ELF4: variants seen among roughly 807,000 people sequenced by gnomAD.
ELF4 encodes ETS-related transcription factor Elf-4.
A neutral mutation model predicts 31.7 loss-of-function variants in ELF4; 10 were observed. The ratio of observed to expected loss-of-function variants is 0.32; its 90% CI spans 0.19 to 0.54. The LOEUF (loss-of-function observed/expected upper bound fraction) is 0.54, where lower values mean the gene tolerates loss of function less well. Among genes scored for constraint, ELF4 ranks in the 20% least tolerant of loss-of-function variants. ELF4 has a pLI of 0.95. For missense variants in ELF4, 418 were observed against 522.0 expected (o/e 0.80, Z 1.94); for synonymous variants, 208 against 226.7 (o/e 0.92, Z 0.74).
chrX:130,110,677 G>A (rs1933470445), upstream of ELF4: 1 of 108,380 alleles, frequency 9.2e-6, no homozygotes, highest in African/African-American at 3.3e-5. Flanking sequence ...CCCACACTTC[G>A]CGCCGCCAAT....
chrX:130,086,543 G>C (rs770736636), intron 1 of ELF4, among the ~76,000 whole-genome samples: 3 of 111,914 alleles, frequency 2.7e-5, no homozygotes, highest in Non-Finnish European at 5.6e-5. Context: ...CCTAGGGCCG[G>C]GGAGGAGGAG....
At position 130,080,920 on chromosome X, in the gene ELF4, G is replaced by T. The variant is rs1266656603; in HGVS notation, c.75+336C>A. 3.6e-5 allele frequency among the ~76,000 whole-genome samples: 4 copies of T among 112,647 alleles called. No homozygotes were observed. The South Asian group carries it at 1.4e-3, about 41-fold the overall frequency. On this transcript the variant is annotated intron_variant, in intron 2 of 8. Coordinates refer to ENST00000308167, the MANE Select transcript of ELF4 (RefSeq NM_001421.4). ...GAAGTGGCCGAAAAATGCATCTGAT[G>T]GTCAGTGTACCCCTTATGCGTTTGG...
At chrX:130,088,183 G>A (rs1342956804) in intron 1 of ELF4, among the ~76,000 whole-genome samples, 2 of 110,377 alleles carry the variant, frequency 1.8e-5, no homozygotes, top group Non-Finnish European at 3.8e-5. Flanking sequence ...AGCTGAGATC[G>A]CGCCACTGCA....
chrX:130,069,504 CG>C lies in ELF4; in HGVS notation c.982del (p.Arg328GlyfsTer43), dbSNP rs1335232355. ...GGATGAGACCCTGGAGCTGGTTCGCCGGGTGGTACTGGCAGAGGCCACAGAG... is the reference window on the plus strand; with the variant it reads ...GGATGAGACCCTGGAGCTGGTTCGCCGGTGGTACTGGCAGAGGCCACAGAG... ...TASVASASTT[R>X]RTSSRVSSRS... is the part of the protein sequence containing the mutation. On this transcript the variant is annotated frameshift_variant, in exon 8 of 9. Transcript: ENST00000308167. LOFTEE classifies it high-confidence loss of function. 1 of 1,211,317 alleles carries C rather than the reference CG, an allele frequency of 8.3e-7. No homozygotes were observed. Among genetic ancestry groups the C allele is most frequent in the Non-Finnish European group, 1.1e-6 (1 of 895,436 alleles).
intron 1 of ELF4, among the ~76,000 whole-genome samples, chrX:130,104,877 G>T (rs1933347610): frequency 9.0e-6 from 1 of 111,390 alleles, no homozygotes. Context: ...GTGGCAACTC[G>T]GCTGGGTGCG....
intron 8 of ELF4, among the ~76,000 whole-genome samples, chrX:130,068,751 G>C (rs974246192): frequency 2.7e-5 from 3 of 112,425 alleles, no homozygotes; most frequent in African/African-American, 9.7e-5. Context: ...TAGGAGGATG[G>C]GCCAGGACAC....
Position 130,067,537 on chromosome X carries a change from C to T in ELF4, c.1188-12G>A, listed in dbSNP as rs763920224. ...GCACTGAAGATGCACTGAGAAGAAA[C>T]AGAGAACAGAGTTGGTTAAGGCAGG... On this transcript the variant is annotated splice_polypyrimidine_tract_variant and intron_variant, in intron 8 of 8. Coordinates refer to ENST00000308167, the MANE Select transcript of ELF4 (RefSeq NM_001421.4). The T allele has an allele frequency of 8.3e-7, 1 of 1,208,480 alleles. No homozygotes were observed. Among genetic ancestry groups the T allele is most frequent in the East Asian group, 3.0e-5 (1 of 33,831 alleles).
intron 1 of ELF4, among the ~76,000 whole-genome samples, chrX:130,099,733 G>C (rs1297675125): frequency 9.0e-6 from 1 of 110,626 alleles, no homozygotes; most frequent in East Asian, 2.9e-4. Context: ...CCACCTCCCA[G>C]GTTCAGGCAA....
At chrX:130,077,867 A>T (rs1490407619) in intron 2 of ELF4, among the ~76,000 whole-genome samples, 1 of 111,582 alleles carries the variant, frequency 9.0e-6, no homozygotes, top group Admixed American at 9.5e-5. Flanking sequence ...GGAGACTGGT[A>T]ATGTTTTATT....
chrX:130,110,766 G>A (rs1933472388), upstream of ELF4: 1 of 104,435 alleles, frequency 9.6e-6, no homozygotes, highest in African/African-American at 3.5e-5. Flanking sequence ...GCGGGGTGGA[G>A]CGCGCGGGGA....
At chrX:130,106,488 G>A (rs902913749) in intron 1 of ELF4, among the ~76,000 whole-genome samples, 3 of 111,443 alleles carry the variant, frequency 2.7e-5, no homozygotes, top group African/African-American at 9.8e-5. Context: ...CAGTTTCTTG[G>A]CAACCAGCAC....
intron 1 of ELF4, among the ~76,000 whole-genome samples, chrX:130,083,839 G>C (rs867405399): frequency 5.9e-5 from 6 of 102,112 alleles, no homozygotes; most frequent in African/African-American, 2.2e-4. Flanking sequence ...TGGCTGGATG[G>C]ATGGATGGAT....
intron 1 of ELF4, among the ~76,000 whole-genome samples, chrX:130,083,448 T>G (rs1396069079): frequency 9.2e-6 from 1 of 108,249 alleles, no homozygotes; most frequent in Non-Finnish European, 1.9e-5. Context: ...CAGGAAACAT[T>G]CTCATACTAA....
chrX:130,093,491 C>T (rs1302554012), intron 1 of ELF4, among the ~76,000 whole-genome samples: 2 of 111,251 alleles, frequency 1.8e-5, no homozygotes, highest in Non-Finnish European at 3.8e-5. Context: ...CTCTTAAGTA[C>T]CTCCCAGGTG....
At position 130,067,306 on chromosome X, in the gene ELF4, G is replaced by A. The variant is rs756786899; in HGVS notation, c.1407C>T (p.Phe469=). The A allele has an allele frequency of 2.3e-5, 28 of 1,210,922 alleles. No individual in the cohort carries two copies. Among genetic ancestry groups the A allele is most frequent in the Non-Finnish European group, 5.6e-6 (5 of 895,333 alleles). The change falls in exon 9 of 9, where the codon TTC becomes TTT. Residue 469 remains phenylalanine, a synonymous_variant. Coordinates refer to ENST00000308167, the MANE Select transcript of ELF4 (RefSeq NM_001421.4). Reference sequence around the variant, plus strand: ...CTGGGGCTGCCACCTGGCTGTCTTGGAAACTGGCGTTCAGGGGGAAAGAGG... The same window carrying A: ...CTGGGGCTGCCACCTGGCTGTCTTGAAAACTGGCGTTCAGGGGGAAAGAGG... ...LQASFPLNAS[F]QDSQVAAPGA...
chrX:130,111,462 G>A (rs1450360977), upstream of ELF4, among the ~76,000 whole-genome samples: 2 of 112,943 alleles, frequency 1.8e-5, no homozygotes, highest in Non-Finnish European at 3.8e-5. Context: ...CGGGCCGTGC[G>A]GCGGGTGAGG....
At chrX:130,073,850 G>T (rs1384093530) in intron 4 of ELF4, among the ~76,000 whole-genome samples, 199 bp downstream of exon 4, 1 of 112,578 alleles carries the variant, frequency 8.9e-6, no homozygotes. Flanking sequence ...CTACAACATG[G>T]ATGGACTTTG....
At chrX:130,101,783 G>C (rs1942199015) in intron 1 of ELF4, among the ~76,000 whole-genome samples, 1 of 104,689 alleles carries the variant, frequency 9.6e-6, no homozygotes, top group South Asian at 4.1e-4. Flanking sequence ...TGGGCGACAA[G>C]AGGGAAACTC....
chrX:130,090,970 GCCCGGC>G (rs1483288320), intron 1 of ELF4, among the ~76,000 whole-genome samples: 5 of 111,125 alleles, frequency 4.5e-5, no homozygotes, highest in Non-Finnish European at 9.4e-5. Context: ...ACGCCACCGT[GCCCGGC>G]TAACTTTTTG....
Sources: allele counts gnomAD v4.1 joint callset (sites outside exome capture counted in the v4.1 genomes callset), GRCh38; gene constraint gnomAD v4.1.1; transcripts MANE v1.5; gene names NCBI Gene and HGNC (gene_info 2026-07-23, HGNC 2026-07-21).